The following CYFIP1 variants were observed in gnomAD, a reference collection of about 807,000 sequenced individuals.
CYFIP1 encodes cytoplasmic FMR1-interacting protein 1.
In CYFIP1, 58 loss-of-function variants were observed where a neutral mutation model predicts 163.5. The ratio of observed to expected loss-of-function variants is 0.35; its 90% CI spans 0.29 to 0.44. The LOEUF (loss-of-function observed/expected upper bound fraction) is 0.44, where lower values mean the gene tolerates loss of function less well. CYFIP1 is among the 20% of genes least tolerant of loss of function. CYFIP1 has a pLI of 1.00. For missense variants in CYFIP1, 1,338 were observed against 1,653.8 expected, an observed-to-expected ratio of 0.81 and a Z score of 3.31; for synonymous variants, 663 against 660.7, an observed-to-expected ratio of 1.00 and a Z score of -0.05.
rs1595474261 is a variant in CYFIP1 at position 22,869,950 on chromosome 15, T to C, written c.*78A>G. ...TAACAGGTACAGAGATACTGAAAAA[T>C]AGTCCCTAAAAATCTCACTAAATAG... On this transcript the variant is annotated 3_prime_UTR_variant, in exon 31 of 31. Transcript: ENST00000617928. The C allele has an allele frequency of 2.9e-6, 4 of 1,357,040 alleles. No homozygotes were observed. Among genetic ancestry groups the C allele is most frequent in the Non-Finnish European group, 3.9e-6 (4 of 1,027,932 alleles). The allele number at this position is 1,357,040 out of a possible 1,614,324, so 84.1% of individuals were successfully genotyped here.
chr15:22,870,265 G>A (rs1566905422), intron 30 of CYFIP1, 73 bp from the exon 31 acceptor site: 2 of 1,479,810 alleles, frequency 1.4e-6, no homozygotes, highest in Non-Finnish European at 9.2e-7. Flanking sequence ...AAAATGTCAG[G>A]ATTCTTATAT....
At chr15:22,908,371 C>T (rs1374358489) in intron 21 of CYFIP1, among the ~76,000 whole-genome samples, 2 of 152,064 alleles carry the variant, frequency 1.3e-5, no homozygotes, top group Admixed American at 6.5e-5. Flanking sequence ...CACATCCTCA[C>T]TGGGAAACCT....
intron 29 of CYFIP1, 55 bp downstream of exon 29, chr15:22,873,436 C>T (rs1170763760): frequency 6.9e-7 from 1 of 1,457,626 alleles, no homozygotes; most frequent in African/African-American, 1.4e-5. Context: ...GCCTCCCCTC[C>T]CCCACAGCTC....
intron 8 of CYFIP1, among the ~76,000 whole-genome samples, chr15:22,937,424 G>A (rs912873151): frequency 6.6e-6 from 1 of 152,074 alleles, no homozygotes; most frequent in Admixed American, 6.6e-5. Context: ...CAGGTCAGTC[G>A]CTAAAAGCGG....
At position 22,879,975 on chromosome 15, in the gene CYFIP1, A is replaced by G; in HGVS notation, c.2980T>C (p.Phe994Leu). The G allele has an allele frequency of 6.2e-7, 1 of 1,613,950 alleles. No individual in the cohort carries two copies. Among genetic ancestry groups the G allele is most frequent in the Non-Finnish European group, 8.5e-7 (1 of 1,180,004 alleles). ...TTCCCCACCTCCCGCAGGTTCTGGA[A>G]GCACACCGTCTTCAGCTCTGCGTAC... ...VEYAELKTVCFQNLREVGNAI... is the reference protein window; with the variant it reads ...VEYAELKTVCLQNLREVGNAI... The change falls in exon 26 of 31, where the codon TTC becomes CTC. Residue 994 changes from phenylalanine to leucine, a missense_variant. Physicochemically the swap from Phe to Leu is conservative, Grantham distance 22. Coordinates refer to ENST00000617928, the MANE Select transcript of CYFIP1 (RefSeq NM_014608.6).
intron 1 of CYFIP1, among the ~76,000 whole-genome samples, chr15:22,959,486 C>T (rs983774444): frequency 6.6e-6 from 1 of 152,222 alleles, no homozygotes; most frequent in African/African-American, 2.4e-5. Flanking sequence ...AGCCCCGTGG[C>T]TTGCCTCACG....
At chr15:22,967,421 A>G (rs12439367) in intron 1 of CYFIP1, among the ~76,000 whole-genome samples, 70,012 of 151,950 alleles carry the variant, frequency 0.46, 16,439 homozygotes, top group Non-Finnish European at 0.49. Context: ...TCCACCATGT[A>G]GTCTTGGCTA....
intron 5 of CYFIP1, 133 bp downstream of exon 5, chr15:22,944,425 T>G: frequency 1.6e-6 from 1 of 643,212 alleles, no homozygotes; most frequent in Non-Finnish European, 2.7e-6. Context: ...CTTGGTCCCT[T>G]TTGTCTCAGA....
At chr15:22,893,600 T>C (rs1300324156) in intron 22 of CYFIP1, among the ~76,000 whole-genome samples, 2 of 152,216 alleles carry the variant, frequency 1.3e-5, no homozygotes, top group Non-Finnish European at 2.9e-5. Context: ...AGCACTTGAT[T>C]AACTCATATT....
At chr15:22,913,527 C>CAAAAA (rs35228444) in intron 17 of CYFIP1, among the ~76,000 whole-genome samples, 19 of 10,178 alleles carry the variant, frequency 1.9e-3, no homozygotes, top group South Asian at 4.2e-3. Flanking sequence ...GGCTCTGTCT[C>CAAAAA]AAAAAAAAAA....
chr15:22,913,371 T>G (rs1226728530), intron 17 of CYFIP1, among the ~76,000 whole-genome samples: 1 of 143,788 alleles, frequency 7.0e-6, no homozygotes, highest in African/African-American at 2.6e-5. Flanking sequence ...CTACTAAAAA[T>G]ACAAAAATTA....
Position 22,918,700 on chromosome 15 carries a change from GA to G in CYFIP1, c.1517del (p.Val506AlafsTer40). ...LRQAIKKKKN[V>X]IQSVLQAIRK... The stretch of plus-strand genomic sequence containing the variant: ...GCGTGGGGAAGGCTGACCTCTGGAT[GA>G]CGTTCTTCTTCTTCTTGATGGCCTG... On this transcript the variant is annotated frameshift_variant, in exon 14 of 31. Coordinates refer to ENST00000617928, the MANE Select transcript of CYFIP1 (RefSeq NM_014608.6). LOFTEE classifies it high-confidence loss of function. The G allele has an allele frequency of 6.3e-7, 1 of 1,599,318 alleles. No homozygotes were observed. The highest frequency in any genetic ancestry group is 8.5e-7 in the Non-Finnish European group (1 of 1,173,346).
intron 1 of CYFIP1, among the ~76,000 whole-genome samples, chr15:22,957,495 G>A (rs978672517): frequency 6.6e-6 from 1 of 152,164 alleles, no homozygotes; most frequent in South Asian, 2.1e-4. Context: ...AATTAGCCAG[G>A]CATGGTGGCG....
intron 1 of CYFIP1, among the ~76,000 whole-genome samples, chr15:22,978,230 T>C (rs1377527134): frequency 6.6e-6 from 1 of 151,524 alleles, no homozygotes; most frequent in African/African-American, 2.4e-5. Flanking sequence ...TGCGTGCCTG[T>C]AATCCCAGCT....
intron 6 of CYFIP1, among the ~76,000 whole-genome samples, chr15:22,940,086 T>C (rs915052189): frequency 6.6e-6 from 1 of 152,182 alleles, no homozygotes; most frequent in South Asian, 2.1e-4. Flanking sequence ...ATGCTAAGCC[T>C]GCGAGGTCTG....
chr15:22,939,614 G>C, intron 6 of CYFIP1, 107 bp from the exon 7 acceptor site: 1 of 871,048 alleles, frequency 1.1e-6, no homozygotes, highest in Non-Finnish European at 1.7e-6. Flanking sequence ...TTCCCCTACA[G>C]TCATCTGCAG....
intron 9 of CYFIP1, 76 bp downstream of exon 9, chr15:22,937,028 C>T (rs1314709779): frequency 2.0e-6 from 2 of 983,098 alleles, no homozygotes; most frequent in Non-Finnish European, 3.2e-6. Flanking sequence ...ATCACAGTCA[C>T]ACAGGGGCTC....
At chr15:22,924,685 C>G (rs928757566) in intron 13 of CYFIP1, among the ~76,000 whole-genome samples, 6 of 150,854 alleles carry the variant, frequency 4.0e-5, no homozygotes, top group Admixed American at 2.6e-4. Context: ...TTGACTTTTA[C>G]ACTTCAAATG....
intron 22 of CYFIP1, among the ~76,000 whole-genome samples, chr15:22,901,001 G>C (rs1005451116): frequency 6.6e-6 from 1 of 151,794 alleles, no homozygotes; most frequent in African/African-American, 2.4e-5. Context: ...TCAGGAGTTT[G>C]AGATCAGCCT....
Sources: gnomAD v4.1 joint callset for allele counts (sites outside exome capture counted in the v4.1 genomes callset) on GRCh38, gnomAD v4.1.1 for gene constraint, MANE v1.5 for transcripts, NCBI Gene and HGNC (gene_info 2026-07-23, HGNC 2026-07-21) for gene names.